Variants in FGF10 observed in about 807,000 individuals in gnomAD.
FGF10 encodes fibroblast growth factor 10.
FGF10 carries 2 observed loss-of-function variants against 19.8 expected under a neutral mutation model. That is an observed-to-expected ratio of 0.10 (90% confidence interval 0.04 to 0.32). The LOEUF is 0.32. Among genes scored for constraint, FGF10 ranks in the 10% least tolerant of loss-of-function variants. The pLI, the probability that FGF10 is intolerant of heterozygous loss-of-function variation, is 1.00. For missense variants in FGF10, 191 were observed against 246.3 expected, an observed-to-expected ratio of 0.78 and a Z score of 1.50; for synonymous variants, 112 against 94.0, an observed-to-expected ratio of 1.19 and a Z score of -1.10.
intron 1 of FGF10, among the ~76,000 whole-genome samples, chr5:44,330,294 G>T (rs1740701824): frequency 6.6e-6 from 1 of 152,152 alleles, no homozygotes; most frequent in South Asian, 2.1e-4. Context: ...CTGTGAAGTT[G>T]ACTGCTTATA....
At chr5:44,305,221 C>T in intron 2 of FGF10, 29 bp from the exon 3 acceptor site, 4 of 1,593,052 alleles carry the variant, frequency 2.5e-6, no homozygotes, top group Non-Finnish European at 3.4e-6. Context: ...ATCTTTTATT[C>T]CTATGGTGAT....
chr5:44,382,866 CAT>C (rs1224195558), intron 1 of FGF10, among the ~76,000 whole-genome samples: 6 of 151,950 alleles, frequency 3.9e-5, no homozygotes, highest in African/African-American at 1.4e-4. Flanking sequence ...ATTAAGCAAA[CAT>C]CAACTATAAA....
At chr5:44,330,301 T>C (rs1370660102) in intron 1 of FGF10, among the ~76,000 whole-genome samples, 1 of 152,154 alleles carries the variant, frequency 6.6e-6, no homozygotes, top group Non-Finnish European at 1.5e-5. Context: ...GTTGACTGCT[T>C]ATAAGGTCTC....
At chr5:44,375,818 ACTAAGACTGGC>A (rs1219889231) in intron 1 of FGF10, among the ~76,000 whole-genome samples, 4 of 152,138 alleles carry the variant, frequency 2.6e-5, no homozygotes, top group African/African-American at 9.6e-5. Flanking sequence ...GATCACCATC[ACTAAGACTGGC>A]CTAGGTTTTA....
At chr5:44,363,558 G>A (rs1165669174) in intron 1 of FGF10, among the ~76,000 whole-genome samples, 1 of 151,784 alleles carries the variant, frequency 6.6e-6, no homozygotes, top group Non-Finnish European at 1.5e-5. Context: ...CCCATGAAAT[G>A]TCTTATACAC....
intron 1 of FGF10, among the ~76,000 whole-genome samples, chr5:44,385,345 G>A (rs770056027): frequency 3.3e-5 from 5 of 152,044 alleles, no homozygotes; most frequent in African/African-American, 9.7e-5. Flanking sequence ...TCGAATTTCT[G>A]GGAACTAGCT....
chr5:44,376,250 C>T (rs757033386), intron 1 of FGF10, among the ~76,000 whole-genome samples: 17 of 151,770 alleles, frequency 1.1e-4, no homozygotes, highest in African/African-American at 2.2e-4. Flanking sequence ...AACTTGGCTA[C>T]GATCACACAA....
rs17227864 is a variant in FGF10 at position 44,335,839 on chromosome 5, A to G, written c.326-25309T>C. Among the ~76,000 whole-genome samples the G allele has an allele frequency of 4.8e-3, 737 of 152,248 alleles. 6 individuals carry two copies. Among genetic ancestry groups the G allele is most frequent in the African/African-American group, 0.017 (693 of 41,564 alleles). On this transcript the variant is annotated intron_variant, in intron 1 of 2. Transcript: ENST00000264664. Reference sequence around the variant, plus strand: ...AGGCATACCCATTTTAGTAACTCATATAAACATTCATATTATTGAATATTT... The same window carrying G: ...AGGCATACCCATTTTAGTAACTCATGTAAACATTCATATTATTGAATATTT...
chr5:44,313,849 G>T (rs776733552), intron 1 of FGF10, among the ~76,000 whole-genome samples: 2 of 152,068 alleles, frequency 1.3e-5, no homozygotes, highest in Admixed American at 1.3e-4. Flanking sequence ...GACCTAGGAG[G>T]AGAAGGGTAC....
intron 1 of FGF10, among the ~76,000 whole-genome samples, chr5:44,345,593 T>A (rs1741073418): frequency 6.7e-6 from 1 of 149,634 alleles, no homozygotes; most frequent in African/African-American, 2.5e-5. Context: ...AAATAGAAAG[T>A]TTTTCCCCAT....
intron 1 of FGF10, among the ~76,000 whole-genome samples, chr5:44,347,139 T>C (rs1265039567): frequency 6.6e-6 from 1 of 151,634 alleles, no homozygotes; most frequent in Admixed American, 6.6e-5. Flanking sequence ...AAAAAATAGA[T>C]AATTGAATGA....
intron 1 of FGF10, among the ~76,000 whole-genome samples, chr5:44,312,647 C>T (rs547601787): frequency 1.3e-5 from 2 of 151,970 alleles, no homozygotes; most frequent in Admixed American, 1.3e-4. Context: ...GCAGAAGATA[C>T]AGAGCAGAGC....
intron 1 of FGF10, among the ~76,000 whole-genome samples, chr5:44,357,119 A>G (rs1182743164): frequency 1.2e-4 from 2 of 16,940 alleles, no homozygotes; most frequent in African/African-American, 4.3e-4. Context: ...AGATTTTCAT[A>G]AAAAAAAAAC....
intron 1 of FGF10, among the ~76,000 whole-genome samples, chr5:44,343,865 A>G (rs908184611): frequency 2.0e-5 from 3 of 152,012 alleles, no homozygotes; most frequent in African/African-American, 7.2e-5. Flanking sequence ...ATTTTAGTAT[A>G]CAAAGTGAGT....
At chr5:44,370,230 C>T (rs545350505) in intron 1 of FGF10, among the ~76,000 whole-genome samples, 1 of 152,086 alleles carries the variant, frequency 6.6e-6, no homozygotes, top group African/African-American at 2.4e-5. Flanking sequence ...TAGAAAGAAT[C>T]TTCTTATAAA....
intron 1 of FGF10, among the ~76,000 whole-genome samples, chr5:44,342,765 A>G (rs1740998305): frequency 6.6e-6 from 1 of 151,964 alleles, no homozygotes; most frequent in Non-Finnish European, 1.5e-5. Context: ...AAGGAAATCC[A>G]TGATGTCTCC....
rs1426672537 is a variant in FGF10, at chr5:44,303,294, A to T, written c.*1701T>A. Among the ~76,000 whole-genome samples the T allele has an allele frequency of 2.0e-5, 3 of 152,182 alleles. No individual in the cohort carries two copies. Among genetic ancestry groups the T allele is most frequent in the African/African-American group, 7.2e-5 (3 of 41,436 alleles). ...AACTGGAAGTGCTGGTTAAGTATTG[A>T]CACAAATAAGTTTGTTGGAGAATCA... On this transcript the variant is annotated 3_prime_UTR_variant, in exon 3 of 3. Coordinates refer to ENST00000264664, the MANE Select transcript of FGF10 (RefSeq NM_004465.2).
chr5:44,349,236 C>T (rs1392980339), intron 1 of FGF10, among the ~76,000 whole-genome samples: 4 of 150,270 alleles, frequency 2.7e-5, no homozygotes, highest in African/African-American at 7.3e-5. Context: ...TTTTGTTTCA[C>T]CTCCTATTTC....
At chr5:44,350,920 G>C (rs968777846) in intron 1 of FGF10, among the ~76,000 whole-genome samples, 5 of 151,180 alleles carry the variant, frequency 3.3e-5, no homozygotes, top group African/African-American at 1.2e-4. Context: ...TGTATCATTT[G>C]GTAGCTTAGT....
Sources: gnomAD v4.1 joint callset for allele counts (sites outside exome capture counted in the v4.1 genomes callset) on GRCh38, gnomAD v4.1.1 for gene constraint, MANE v1.5 for transcripts, NCBI Gene and HGNC (gene_info 2026-07-23, HGNC 2026-07-21) for gene names.